Variants in GTF2F2 observed in about 807,000 individuals in gnomAD.
The protein encoded by GTF2F2 is ATP-dependent helicase GTF2F2.
Under a neutral mutation model 42.2 loss-of-function variants are expected in GTF2F2, and 23 were observed. That is an observed-to-expected ratio of 0.55 (90% CI 0.39 to 0.77). The LOEUF (loss-of-function observed/expected upper bound fraction) is 0.77, where lower values mean the gene tolerates loss of function less well. Ranked by LOEUF, GTF2F2 falls within the 30% of genes least tolerant of loss-of-function variation. The pLI is 0.00. For synonymous variants in GTF2F2, 105 were observed against 100.8 expected (o/e 1.04, Z -0.25); for missense variants, 261 against 287.2 (o/e 0.91, Z 0.66).
chr13:45,141,779 G>C (rs1468232689), intron 2 of GTF2F2, among the ~76,000 whole-genome samples: 1 of 152,042 alleles, frequency 6.6e-6, no homozygotes, highest in Non-Finnish European at 1.5e-5. Flanking sequence ...ATGGGTAACT[G>C]CTTGGTATGT....
At chr13:45,123,721 T>A (rs969292029) in intron 1 of GTF2F2, among the ~76,000 whole-genome samples, 4 of 151,632 alleles carry the variant, frequency 2.6e-5, no homozygotes, top group Non-Finnish European at 5.9e-5. Flanking sequence ...GTAGATTGTT[T>A]ACCAAAATAA....
At chr13:45,256,388 T>C (rs962302249) in intron 6 of GTF2F2, among the ~76,000 whole-genome samples, 1 of 152,186 alleles carries the variant, frequency 6.6e-6, no homozygotes, top group Admixed American at 6.5e-5. Flanking sequence ...ACATGTTATA[T>C]TCTGAACTCC....
Position 45,194,442 on chromosome 13 carries a change from A to G in GTF2F2, c.305-12982A>G, listed in dbSNP as rs759387945. The G allele has an allele frequency of 1.2e-5, 20 of 1,614,070 alleles. No homozygotes were observed. In the African/African-American group the frequency reaches 2.0e-4, roughly 16 times the overall value. The stretch of plus-strand genomic sequence containing the variant: ...GTGTTTGTTTTTGAGTAATGTATAA[A>G]TATCCACCAACGTTGAGGGTCATCA... On this transcript the variant is annotated intron_variant, in intron 4 of 7. Coordinates refer to ENST00000340473, the MANE Select transcript of GTF2F2 (RefSeq NM_004128.3).
rs955340446 is a variant in GTF2F2, at chr13:45,278,907, T to A, written c.631-4535T>A. Among the ~76,000 whole-genome samples the A allele has an allele frequency of 4.7e-5, 6 of 126,692 alleles. No individual in the cohort carries two copies. In the East Asian group the frequency reaches 1.6e-3, roughly 34 times the overall value. The allele number at this position is 126,692 out of a possible 152,430, so 83.1% of individuals were successfully genotyped here. A position where few individuals can be genotyped will look rare whatever the true frequency, so the allele number is the denominator to read the frequency against. On this transcript the variant is annotated intron_variant, in intron 7 of 7. Coordinates refer to ENST00000340473, the MANE Select transcript of GTF2F2 (RefSeq NM_004128.3). Reference sequence around the variant, plus strand: ...GGTGCGATCTCAGCTCACTACAACCTCCACCTCCTGGGTTTAAGTGATTAT... The same window carrying A: ...GGTGCGATCTCAGCTCACTACAACCACCACCTCCTGGGTTTAAGTGATTAT...
intron 5 of GTF2F2, among the ~76,000 whole-genome samples, chr13:45,221,316 T>C (rs1330943254): frequency 2.0e-5 from 3 of 152,156 alleles, no homozygotes; most frequent in Non-Finnish European, 4.4e-5. Flanking sequence ...TGAATCCTAC[T>C]ACACTATTCT....
chr13:45,273,248 A>AT lies in GTF2F2; in HGVS notation c.630+5880dup, dbSNP rs1876880171. 9.3e-5 allele frequency among the ~76,000 whole-genome samples: 14 copies of AT among 151,314 alleles called. No individual in the cohort carries two copies. In the South Asian group the frequency reaches 2.5e-3, roughly 27 times the overall value. On this transcript the variant is annotated intron_variant, in intron 7 of 7. Coordinates refer to ENST00000340473, the MANE Select transcript of GTF2F2 (RefSeq NM_004128.3). ...GCCCACACCTGGCTAATTTTTTAAA[A>AT]TTTTTTTTGTGGAGACAGGATCTTA... is the stretch of plus-strand genomic sequence containing the variant.
chr13:45,191,427 T>G (rs934522147), intron 4 of GTF2F2, among the ~76,000 whole-genome samples: 3 of 151,350 alleles, frequency 2.0e-5, no homozygotes, highest in African/African-American at 7.3e-5. Flanking sequence ...TATTTACTTA[T>G]GAGAAAAAAT....
chr13:45,241,424 A>G (rs763265137), intron 5 of GTF2F2, among the ~76,000 whole-genome samples: 9 of 152,056 alleles, frequency 5.9e-5, no homozygotes, highest in Non-Finnish European at 1.3e-4. Context: ...CCACCATCCA[A>G]TAGATTTTCT....
intron 4 of GTF2F2, among the ~76,000 whole-genome samples, chr13:45,186,276 AT>A (rs1292377624): frequency 2.5e-3 from 328 of 133,420 alleles, no homozygotes; most frequent in South Asian, 0.01. Context: ...CACCTGGCCT[AT>A]TTTTTTTTTT....
At chr13:45,199,935 G>A (rs926930598) in intron 4 of GTF2F2, among the ~76,000 whole-genome samples, 2 of 152,160 alleles carry the variant, frequency 1.3e-5, no homozygotes, top group South Asian at 4.1e-4. Context: ...GGATGTGATG[G>A]CTCAAGGGAG....
chr13:45,149,544 A>G (rs1401832730), intron 2 of GTF2F2, among the ~76,000 whole-genome samples: 1 of 152,074 alleles, frequency 6.6e-6, no homozygotes, highest in Non-Finnish European at 1.5e-5. Context: ...GTGTTAAGTG[A>G]CATAAACTCA....
intron 1 of GTF2F2, among the ~76,000 whole-genome samples, chr13:45,129,146 G>C (rs1447932125): frequency 6.6e-6 from 1 of 152,178 alleles, no homozygotes; most frequent in East Asian, 1.9e-4. Context: ...GAGCATTTCA[G>C]GGTATAGCAG....
intron 5 of GTF2F2, among the ~76,000 whole-genome samples, chr13:45,227,039 G>A (rs1195670869): frequency 6.6e-6 from 1 of 152,122 alleles, no homozygotes; most frequent in African/African-American, 2.4e-5. Flanking sequence ...GGTCAAGGCT[G>A]CAGTGAGCTG....
chr13:45,181,509 A>G (rs1872167275), intron 4 of GTF2F2, among the ~76,000 whole-genome samples: 2 of 152,150 alleles, frequency 1.3e-5, no homozygotes, highest in African/African-American at 2.4e-5. Context: ...TGATGTTCTT[A>G]AAGACAATTA....
At chr13:45,176,950 T>G (rs1333694470) in intron 4 of GTF2F2, among the ~76,000 whole-genome samples, 1 of 152,028 alleles carries the variant, frequency 6.6e-6, no homozygotes. Context: ...CATGCGTAGC[T>G]AATTTTTTTT....
intron 5 of GTF2F2, among the ~76,000 whole-genome samples, chr13:45,251,601 CT>C (rs546041852): frequency 1.2e-3 from 170 of 147,730 alleles, no homozygotes; most frequent in African/African-American, 3.1e-3. Flanking sequence ...AAAAAACTGC[CT>C]TTTTTTTTTA....
intron 5 of GTF2F2, among the ~76,000 whole-genome samples, chr13:45,212,666 A>G (rs1306985413): frequency 2.0e-5 from 3 of 151,416 alleles, no homozygotes; most frequent in Non-Finnish European, 4.4e-5. Flanking sequence ...CCCAGGTTCA[A>G]ACGATTCTCC....
At chr13:45,214,346 C>A (rs1873807911) in intron 5 of GTF2F2, among the ~76,000 whole-genome samples, 1 of 152,112 alleles carries the variant, frequency 6.6e-6, no homozygotes, top group South Asian at 2.1e-4. Flanking sequence ...CTAGTAAATA[C>A]ATACACTAAC....
At chr13:45,155,292 A>G (rs954897450) in intron 4 of GTF2F2, among the ~76,000 whole-genome samples, 3 of 152,312 alleles carry the variant, frequency 2.0e-5, no homozygotes, top group Admixed American at 6.5e-5. Context: ...TGAAGTAGGC[A>G]TTATCTGGGA....
Sources: allele counts gnomAD v4.1 joint callset (sites outside exome capture counted in the v4.1 genomes callset), GRCh38; gene constraint gnomAD v4.1.1; transcripts MANE v1.5; gene names NCBI Gene and HGNC (gene_info 2026-07-23, HGNC 2026-07-21).